The following RYR3 variants were observed in gnomAD, a reference collection of about 807,000 sequenced individuals.
RYR3 encodes brain ryanodine receptor-calcium release channel.
In RYR3, 207 loss-of-function variants were observed where a neutral mutation model predicts 584.3. The observed-to-expected ratio is 0.35, with a 90% CI of 0.32 to 0.40. RYR3 has a LOEUF of 0.40. Ranked by LOEUF, RYR3 falls within the 10% of genes least tolerant of loss-of-function variation. The probability of loss-of-function intolerance (pLI) is 1.00; values close to 1 mark genes in which losing one functional copy is unlikely to be tolerated. For synonymous variants in RYR3, 2,416 were observed against 2,248.5 expected, an observed-to-expected ratio of 1.07 and a Z score of -2.11; for missense variants, 5,616 against 6,089.2, an observed-to-expected ratio of 0.92 and a Z score of 2.59.
intron 80 of RYR3, among the ~76,000 whole-genome samples, chr15:33,822,752 G>A (rs1305351229): frequency 6.6e-6 from 1 of 152,198 alleles, no homozygotes; most frequent in Non-Finnish European, 1.5e-5. Flanking sequence ...ACTATATCAC[G>A]GCCTTGGTGC....
At chr15:33,418,186 GT>G (rs1202900120) in intron 1 of RYR3, among the ~76,000 whole-genome samples, 12 of 152,176 alleles carry the variant, frequency 7.9e-5, no homozygotes, top group African/African-American at 2.9e-4. Flanking sequence ...AATGACACTA[GT>G]TTTATAGAAT....
chr15:33,738,730 GC>G, intron 50 of RYR3, 140 bp downstream of exon 50: 2 of 885,352 alleles, frequency 2.3e-6, no homozygotes, highest in Non-Finnish European at 3.5e-6. Context: ...GCCAATCCTT[GC>G]CCATCTCTCT....
At chr15:33,349,064 T>C (rs2140909809) in intron 1 of RYR3, among the ~76,000 whole-genome samples, 1 of 152,028 alleles carries the variant, frequency 6.6e-6, no homozygotes, top group Middle Eastern at 3.4e-3. Flanking sequence ...CAATATGCAC[T>C]TAAGGTTCCT....
chr15:33,576,368 A>G (rs984161355), intron 12 of RYR3, among the ~76,000 whole-genome samples: 2 of 152,232 alleles, frequency 1.3e-5, no homozygotes, highest in Non-Finnish European at 2.9e-5. Context: ...GAAAATCTCT[A>G]TAAAATATTG....
At chr15:33,439,359 G>A (rs535927004) in intron 1 of RYR3, among the ~76,000 whole-genome samples, 12 of 152,200 alleles carry the variant, frequency 7.9e-5, no homozygotes, top group African/African-American at 1.2e-4. Flanking sequence ...AAGGGGCTAC[G>A]TCAAGTGTTT....
At chr15:33,824,686 T>C (rs2077282456) in intron 81 of RYR3, among the ~76,000 whole-genome samples, 1 of 152,208 alleles carries the variant, frequency 6.6e-6, no homozygotes, top group South Asian at 2.1e-4. Flanking sequence ...ATGTGACTCC[T>C]TAAAAAGAAA....
At chr15:33,570,621 A>C (rs1054355584) in intron 12 of RYR3, among the ~76,000 whole-genome samples, 37 of 152,184 alleles carry the variant, frequency 2.4e-4, no homozygotes, top group African/African-American at 8.2e-4. Context: ...TGTCCAAAAA[A>C]AATTCTGCTG....
intron 1 of RYR3, among the ~76,000 whole-genome samples, chr15:33,388,324 A>C (rs992378456): frequency 2.0e-5 from 3 of 152,210 alleles, no homozygotes; most frequent in Non-Finnish European, 2.9e-5. Context: ...TAAGTGGGAG[A>C]AAAAAGTAAA....
At position 33,865,261 on chromosome 15, in the gene RYR3, T is replaced by G; in HGVS notation, c.*35T>G. On this transcript the variant is annotated 3_prime_UTR_variant, in exon 104 of 104. Transcript: ENST00000634891. ...AAAGAAGCGCGACAATTCTGGACAG[T>G]CAACTTCCCATGAAATAAAGTCCCC... The G allele has an allele frequency of 6.8e-7, 1 of 1,471,038 alleles. No homozygotes were observed. Among genetic ancestry groups the G allele is most frequent in the Non-Finnish European group, 9.5e-7 (1 of 1,056,400 alleles). 91.1% of individuals were successfully genotyped at this position (1,471,038 alleles called of 1,614,324 possible).
chr15:33,796,391 C>T (rs574194752), intron 67 of RYR3, among the ~76,000 whole-genome samples: 1 of 152,332 alleles, frequency 6.6e-6, no homozygotes, highest in African/African-American at 2.4e-5. Flanking sequence ...ACCTTGGCCT[C>T]CCAAAGTGCT....
At chr15:33,827,883 G>T (rs1363189649) in intron 85 of RYR3, among the ~76,000 whole-genome samples, 1 of 152,282 alleles carries the variant, frequency 6.6e-6, no homozygotes, top group South Asian at 2.1e-4. Context: ...CTATGCCATA[G>T]GGTGGTAGTA....
In RYR3 at chr15:33,311,917, G is replaced by T. The variant is rs184348385; in HGVS notation, c.51+821G>T. Among the ~76,000 whole-genome samples the T allele has an allele frequency of 2.2e-3, 342 of 152,278 alleles. 2 individuals carry two copies. Among genetic ancestry groups the T allele is most frequent in the African/African-American group, 7.9e-3 (329 of 41,564 alleles). On this transcript the variant is annotated intron_variant, in intron 1 of 103. Transcript: ENST00000634891. This position sits in a 1 kb window ranked among gnomAD's most constrained non-coding sequence, Gnocchi z 4.4. ...CTTGCCCTGTAGGAGATAATACAAA[G>T]ACTTTCAGGGTGGACGGCCACCCGG...
At position 33,311,175 on chromosome 15, in the gene RYR3, T is replaced by C. The variant is rs919397024; in HGVS notation, c.51+79T>C. On this transcript the variant is annotated intron_variant, in intron 1 of 103. Coordinates refer to ENST00000634891, the MANE Select transcript of RYR3 (RefSeq NM_001036.6). The surrounding 1 kb of genome is among the most constrained non-coding windows in gnomAD (Gnocchi z 4.4). ...CGCGGCGAGGAGGGGCTGGCTGCGC[T>C]GCGCCGCGGTGCCGGGTGCCCGGTG... 4 of 1,106,222 alleles carry C rather than the reference T, an allele frequency of 3.6e-6. No individual in the cohort carries two copies. The highest frequency in any genetic ancestry group is 7.6e-5 in the Admixed American group (2 of 26,378). 68.5% of individuals were successfully genotyped at this position (1,106,222 alleles called of 1,614,324 possible).
At chr15:33,618,142 A>G (rs1000848993) in intron 19 of RYR3, among the ~76,000 whole-genome samples, 1 of 151,870 alleles carries the variant, frequency 6.6e-6, no homozygotes. Context: ...CATAGTATAT[A>G]GTGAAATTTG....
At chr15:33,476,991 A>C (rs1020778085) in intron 2 of RYR3, among the ~76,000 whole-genome samples, 2 of 152,126 alleles carry the variant, frequency 1.3e-5, no homozygotes, top group African/African-American at 4.8e-5. Context: ...CTTCTCCCTT[A>C]TTACTAAATA....
intron 89 of RYR3, among the ~76,000 whole-genome samples, chr15:33,839,976 C>T (rs1411049848): frequency 6.6e-6 from 1 of 152,190 alleles, no homozygotes; most frequent in Admixed American, 6.5e-5. Context: ...TACAGGAATA[C>T]ATAGGTTCAA....
chr15:33,757,955 T>C (rs956082340), intron 60 of RYR3: 51 of 259,896 alleles, frequency 2.0e-4, no homozygotes, highest in Middle Eastern at 2.8e-3. Context: ...GTTCATCTCA[T>C]TGGGGCTGGT....
intron 87 of RYR3, among the ~76,000 whole-genome samples, chr15:33,835,338 G>A (rs1372316334): frequency 6.6e-6 from 1 of 151,892 alleles, no homozygotes; most frequent in East Asian, 1.9e-4. Context: ...CTCAACATTT[G>A]CTTTCTGTGG....
Position 33,783,927 on chromosome 15 carries a change from C to T in RYR3, c.9269-1735C>T, listed in dbSNP as rs537697105. ...ATCACAAGAGTTCAGGGTTCTTTGG[C>T]TTTCATGCTATTAATCCTTTTCAGT... is the stretch of plus-strand genomic sequence containing the variant. On this transcript the variant is annotated intron_variant, in intron 65 of 103. Transcript: ENST00000634891. Among the ~76,000 whole-genome samples, 87 of 152,148 alleles carry T rather than the reference C, an allele frequency of 5.7e-4. 3 individuals carry two copies. The South Asian group carries it at 0.017, about 30-fold the overall frequency.
Sources: gnomAD v4.1 joint callset for allele counts (sites outside exome capture counted in the v4.1 genomes callset) on GRCh38, gnomAD v4.1.1 for gene constraint, Gnocchi (gnomAD v3.1) non-coding constraint, MANE v1.5 for transcripts, NCBI Gene and HGNC (gene_info 2026-07-23, HGNC 2026-07-21) for gene names.